Variants in GRM1 observed in about 807,000 individuals in gnomAD.
GRM1 encodes the protein metabotropic glutamate receptor 1.
GRM1 carries 33 observed loss-of-function variants against 90.9 expected under a neutral mutation model. That is an observed-to-expected ratio of 0.36 (90% CI 0.28 to 0.49). The LOEUF is 0.49. GRM1 is among the 20% of genes least tolerant of loss of function. GRM1 has a pLI of 0.99. For missense variants in GRM1, 1,190 were observed against 1,534.3 expected (o/e 0.78, Z 3.75); for synonymous variants, 700 against 613.2 (o/e 1.14, Z -2.09).
At chr6:146,128,554 G>C (rs560456639) in intron 1 of GRM1, among the ~76,000 whole-genome samples, 2 of 152,108 alleles carry the variant, frequency 1.3e-5, no homozygotes, top group Non-Finnish European at 2.9e-5. Context: ...TTAATCCTTC[G>C]CAGCAGTTAT....
At chr6:146,250,234 A>T (rs982215381) in intron 2 of GRM1, among the ~76,000 whole-genome samples, 6 of 152,162 alleles carry the variant, frequency 3.9e-5, no homozygotes, top group African/African-American at 1.4e-4. Context: ...TGGCTTTGAA[A>T]TGTGAAAAGG....
At chr6:146,343,254 T>C (rs563169531) in intron 3 of GRM1, among the ~76,000 whole-genome samples, 3 of 152,290 alleles carry the variant, frequency 2.0e-5, no homozygotes, top group African/African-American at 7.2e-5. Flanking sequence ...AGTGATGATG[T>C]TAACATTGAT....
intron 1 of GRM1, among the ~76,000 whole-genome samples, chr6:146,055,971 T>G (rs941145863): frequency 6.6e-6 from 1 of 152,152 alleles, no homozygotes; most frequent in Non-Finnish European, 1.5e-5. Context: ...GACTAATCAG[T>G]GAGAAGAACC....
At position 146,437,302 on chromosome 6, in the gene GRM1, A is replaced by C. The variant is rs1778623928; in HGVS notation, c.*2506A>C. The stretch of plus-strand genomic sequence containing the variant: ...GTGTAAGATGATATCAGGTTGGTCT[A>C]AGACTTTTGGTGAACACGTTCATTC... On this transcript the variant is annotated 3_prime_UTR_variant, in exon 8 of 8. Transcript: ENST00000282753. 1 of 152,564 alleles carries C rather than the reference A, an allele frequency of 6.6e-6. No homozygotes were observed. The highest frequency in any genetic ancestry group is 1.5e-5 in the Non-Finnish European group (1 of 68,040). 9.5% of individuals were successfully genotyped at this position (152,564 alleles called of 1,614,324 possible). A position where few individuals can be genotyped will look rare whatever the true frequency, so the allele number is the denominator to read the frequency against.
intron 1 of GRM1, among the ~76,000 whole-genome samples, chr6:146,039,395 G>A (rs1346910210): frequency 2.0e-5 from 3 of 151,938 alleles, no homozygotes; most frequent in African/African-American, 7.2e-5. Flanking sequence ...TAACTCTAAA[G>A]TATATGTCCT....
In GRM1 at chr6:146,029,440, G is replaced by T. The variant is rs549918628; in HGVS notation, c.-78G>T. 19 of 1,153,600 alleles carry T rather than the reference G, an allele frequency of 1.6e-5. No individual in the cohort carries two copies. Among genetic ancestry groups the T allele is most frequent in the Non-Finnish European group, 2.5e-5 (19 of 761,836 alleles). 71.5% of individuals were successfully genotyped at this position (1,153,600 alleles called of 1,614,324 possible). A position where few individuals can be genotyped will look rare whatever the true frequency, so the allele number is the denominator to read the frequency against. On this transcript the variant is annotated 5_prime_UTR_variant, in exon 1 of 8. Transcript: ENST00000282753. ...CGGGAGAGGCGGCGCTGGGCGTCTT[G>T]GGGGTGCGCGCCGGGAGCCTGCAGC...
At chr6:146,131,770 A>G (rs547153484) in intron 1 of GRM1, among the ~76,000 whole-genome samples, 1 of 152,352 alleles carries the variant, frequency 6.6e-6, no homozygotes, top group South Asian at 2.1e-4. Flanking sequence ...TGCACACACC[A>G]GTGTGGTATG....
At chr6:146,243,176 GT>G (rs1780929454) in intron 2 of GRM1, among the ~76,000 whole-genome samples, 1 of 152,102 alleles carries the variant, frequency 6.6e-6, no homozygotes, top group African/African-American at 2.4e-5. Flanking sequence ...CATGAAGAGT[GT>G]CATAAGTGGC....
At chr6:146,281,810 C>A (rs960335926) in intron 2 of GRM1, among the ~76,000 whole-genome samples, 1 of 152,126 alleles carries the variant, frequency 6.6e-6, no homozygotes, top group Non-Finnish European at 1.5e-5. Flanking sequence ...TGGCTTGATC[C>A]CATCTTGGCA....
chr6:146,353,114 C>T (rs942172091), intron 4 of GRM1, among the ~76,000 whole-genome samples: 1 of 152,228 alleles, frequency 6.6e-6, no homozygotes, highest in East Asian at 1.9e-4. Flanking sequence ...ATAAAATCCT[C>T]TCCAAGCCGT....
rs578082495 is a variant in GRM1 at position 146,163,078 on chromosome 6, A to G, written c.950+3481A>G. 3.9e-5 allele frequency among the ~76,000 whole-genome samples: 6 copies of G among 152,236 alleles called. No individual in the cohort carries two copies. The South Asian group carries it at 1.2e-3, about 32-fold the overall frequency. ...ATTATTCATTAATTTGGGCTGATCA[A>G]TTTCTTCACCAGCCACTTCGTTAAA... On this transcript the variant is annotated intron_variant, in intron 2 of 7. Transcript: ENST00000282753.
rs747520531 is a variant in GRM1 at position 146,399,571 on chromosome 6, G to A, written c.2532G>A (p.Arg844=). 6.8e-6 allele frequency: 11 copies of A among 1,614,110 alleles called. No homozygotes were observed. Among genetic ancestry groups the A allele is most frequent in the Non-Finnish European group, 8.5e-6 (10 of 1,179,964 alleles). ...ACATCATTATTGCCAAGCCTGAGAG[G>A]AATGTCCGCAGTGCCTTCACCACCT... The part of the protein sequence containing the change: ...KMYIIIAKPE[R]NVRSAFTTSD... Residue 844 remains arginine, a synonymous_variant, in exon 7 of 8, where the codon AGG becomes AGA. Coordinates refer to ENST00000282753, the MANE Select transcript of GRM1 (RefSeq NM_001278064.2). This position sits in a 1 kb window ranked among gnomAD's most constrained non-coding sequence, Gnocchi z 5.4.
chr6:146,437,358 T>C lies in GRM1; in HGVS notation c.*2562T>C, dbSNP rs1314802432. 2 of 152,622 alleles carry C rather than the reference T, an allele frequency of 1.3e-5. No individual in the cohort carries two copies. Among genetic ancestry groups the C allele is most frequent in the Non-Finnish European group, 2.9e-5 (2 of 68,028 alleles). 9.5% of individuals were successfully genotyped at this position (152,622 alleles called of 1,614,324 possible). A position where few individuals can be genotyped will look rare whatever the true frequency, so the allele number is the denominator to read the frequency against. On this transcript the variant is annotated 3_prime_UTR_variant, in exon 8 of 8. Transcript: ENST00000282753. ...TGATCACTTTATTACTCTGAATGCC[T>C]ACTATTATCCTGATTATGGGGTCTC...
chr6:146,153,287 A>G (rs1005856103), intron 1 of GRM1, among the ~76,000 whole-genome samples: 5 of 152,180 alleles, frequency 3.3e-5, no homozygotes, highest in African/African-American at 1.2e-4. Context: ...TGTTAAGCTC[A>G]ATGGGAGGTG....
intron 3 of GRM1, among the ~76,000 whole-genome samples, chr6:146,309,663 A>G (rs1295275374): frequency 6.6e-6 from 1 of 151,978 alleles, no homozygotes; most frequent in Non-Finnish European, 1.5e-5. Context: ...GGCCATTCTT[A>G]TGTTGTCAGT....
In GRM1 at chr6:146,159,585, C is replaced by T. The variant is rs375848202; in HGVS notation, c.938C>T (p.Ser313Leu). ...CGCCTTGGCGTCGTGGGCGAGTTCTCACTCATTGGAAGGTAAGTTTCTCTC... is the reference window on the plus strand; with the variant it reads ...CGCCTTGGCGTCGTGGGCGAGTTCTTACTCATTGGAAGGTAAGTTTCTCTC... ...MRRLGVVGEF[S>L]LIGSDGWADR... The change falls in exon 2 of 8, where the codon TCA becomes TTA. Residue 313 changes from serine to leucine, a missense_variant. This residue lies in a region of GRM1 where 414 missense variants were observed against 598.4 expected (regional missense o/e 0.69). Transcript: ENST00000282753. 11 of 1,612,208 alleles carry T rather than the reference C, an allele frequency of 6.8e-6. No individual in the cohort carries two copies. Among genetic ancestry groups the T allele is most frequent in the Non-Finnish European group, 9.3e-6 (11 of 1,179,464 alleles).
intron 3 of GRM1, among the ~76,000 whole-genome samples, chr6:146,309,521 T>C (rs1783705134): frequency 6.6e-6 from 1 of 152,196 alleles, no homozygotes; most frequent in South Asian, 2.1e-4. Context: ...ATCATCACAG[T>C]GTGCATACAA....
chr6:146,247,018 A>T (rs1282686694), intron 2 of GRM1, among the ~76,000 whole-genome samples: 1 of 152,212 alleles, frequency 6.6e-6, no homozygotes, highest in East Asian at 1.9e-4. Context: ...TCAGGAAAAT[A>T]ACTGGTATGA....
intron 1 of GRM1, among the ~76,000 whole-genome samples, chr6:146,112,659 T>C (rs1454553804): frequency 1.3e-5 from 2 of 152,162 alleles, no homozygotes; most frequent in African/African-American, 2.4e-5. Flanking sequence ...GATTTTTATA[T>C]TTTTCCTTTG....
Sources: allele counts gnomAD v4.1 joint callset (sites outside exome capture counted in the v4.1 genomes callset), GRCh38; gene constraint gnomAD v4.1.1; regional missense constraint gnomAD v4.1.1; non-coding constraint Gnocchi (gnomAD v3.1); transcripts MANE v1.5; gene names NCBI Gene and HGNC (gene_info 2026-07-23, HGNC 2026-07-21).